ZNF679: variants seen among roughly 807,000 people sequenced by gnomAD.
ZNF679 encodes zinc finger protein 679, also known as hypothetical protein MGC42415.
ZNF679 carries 10 observed loss-of-function variants against 13.4 expected under a neutral mutation model. The observed-to-expected ratio is 0.75, with a 90% CI of 0.46 to 1.27. The LOEUF is 1.27. ZNF679 is among the 50% of genes most tolerant of loss of function. The pLI, the probability that ZNF679 is intolerant of heterozygous loss-of-function variation, is 0.00. For missense variants in ZNF679, 525 were observed against 477.8 expected (o/e 1.10, Z -0.92); for synonymous variants, 179 against 162.5 (o/e 1.10, Z -0.77).
At chr7:64,259,030 G>C (rs1444289703) in intron 2 of ZNF679, among the ~76,000 whole-genome samples, 1 of 152,006 alleles carries the variant, frequency 6.6e-6, no homozygotes, top group Admixed American at 6.6e-5. Context: ...TCCTGCCTCA[G>C]CCTCTCTAGT....
At chr7:64,254,885 A>G (rs111397628) in intron 2 of ZNF679, among the ~76,000 whole-genome samples, 23 of 151,544 alleles carry the variant, frequency 1.5e-4, no homozygotes, top group African/African-American at 5.6e-4. Context: ...CTGTAATCCC[A>G]GCTACTCAGG....
rs565570942 is a variant in ZNF679 at position 64,247,090 on chromosome 7, A to G, written c.-90-1938A>G. Among the ~76,000 whole-genome samples, 51 of 152,326 alleles carry G rather than the reference A, an allele frequency of 3.3e-4. 3 individuals are homozygous for G. In the South Asian group the frequency reaches 0.011, roughly 32 times the overall value. ...TGGCACTGGTGGGAATGTCTTTCGC[A>G]TGCTAATGCATTATAATTAGCGTGT... is the stretch of plus-strand genomic sequence containing the variant. On this transcript the variant is annotated intron_variant, in intron 1 of 4. Coordinates refer to ENST00000421025, the MANE Select transcript of ZNF679 (RefSeq NM_153363.3).
At chr7:64,241,825 C>T (rs1787802643) in intron 1 of ZNF679, among the ~76,000 whole-genome samples, 1 of 152,202 alleles carries the variant, frequency 6.6e-6, no homozygotes, top group Non-Finnish European at 1.5e-5. Context: ...AAATTTTGTG[C>T]ATGGCCCAGG....
chr7:64,236,461 A>G (rs1426549325), intron 1 of ZNF679, among the ~76,000 whole-genome samples: 8 of 151,840 alleles, frequency 5.3e-5, no homozygotes, highest in African/African-American at 1.9e-4. Context: ...GGGAAAAAAA[A>G]AAGGGCAGAA....
rs953124390 is a variant in ZNF679, at chr7:64,260,933, A to G, written c.262+4A>G. ...GAGATGGTAACCAAACACCCAGGTA[A>G]GTGAGAGTGGATGAAGCGGATGACA... On this transcript the variant is annotated splice_donor_region_variant and intron_variant, in intron 4 of 4. Coordinates refer to ENST00000421025, the MANE Select transcript of ZNF679 (RefSeq NM_153363.3). 2 of 1,608,588 alleles carry G rather than the reference A, an allele frequency of 1.2e-6. No homozygotes were observed. The highest frequency in any genetic ancestry group is 3.4e-5 in the Admixed American group (2 of 58,886).
Position 64,260,290 on chromosome 7 carries a change from C to T in ZNF679, c.109C>T (p.Gln37Ter), listed in dbSNP as rs1562847260. 6.2e-7 allele frequency: 1 copy of T among 1,613,064 alleles called. No homozygotes were observed. The highest frequency in any genetic ancestry group is 8.5e-7 in the Non-Finnish European group (1 of 1,179,636). ...LEEWQCLDHAQQNLYRDVMLE... is the reference protein window; with the variant it reads ...LEEWQCLDHA ...GGAGTGGCAATGCCTGGATCACGCT[C>T]AGCAGAATTTATATAGAGATGTGAT... is the stretch of plus-strand genomic sequence containing the variant. Residue 37 changes from glutamine (Q) to a stop codon, truncating the protein, a stop_gained, in exon 3 of 5, where the codon CAG becomes TAG. Coordinates refer to ENST00000421025, the MANE Select transcript of ZNF679 (RefSeq NM_153363.3). LOFTEE classifies it high-confidence loss of function.
In ZNF679 at chr7:64,260,344, C is replaced by G; in HGVS notation, c.163C>G (p.Leu55Val). Residue 55 changes from leucine (L) to valine (V), a missense_variant, in exon 3 of 5, where the codon CTG (leucine) becomes GTG (valine). Physicochemically the swap from Leu to Val is conservative, Grantham distance 32 (BLOSUM62 1). Coordinates refer to ENST00000421025, the MANE Select transcript of ZNF679 (RefSeq NM_153363.3). ...MLENYRNLVSLGIAVSKPDLI... is the reference protein window; with the variant it reads ...MLENYRNLVSVGIAVSKPDLI... ...AGAGAACTACAGAAACCTGGTCTCCCTGGGTGAGGATAACTTCAATACACA... is the reference window on the plus strand; with the variant it reads ...AGAGAACTACAGAAACCTGGTCTCCGTGGGTGAGGATAACTTCAATACACA... 1 of 1,604,710 alleles carries G rather than the reference C, an allele frequency of 6.2e-7. No homozygotes were observed. Among genetic ancestry groups the G allele is most frequent in the Non-Finnish European group, 8.5e-7 (1 of 1,177,744 alleles).
At chr7:64,244,869 A>C (rs1042529932) in intron 1 of ZNF679, among the ~76,000 whole-genome samples, 1 of 152,230 alleles carries the variant, frequency 6.6e-6, no homozygotes, top group African/African-American at 2.4e-5. Context: ...ACTTTTATGG[A>C]TAACTATAAC....
At chr7:64,237,071 G>A (rs980511703) in intron 1 of ZNF679, among the ~76,000 whole-genome samples, 1 of 152,054 alleles carries the variant, frequency 6.6e-6, no homozygotes, top group Non-Finnish European at 1.5e-5. Context: ...ACTGGTTAGG[G>A]CTACAGAGAC....
chr7:64,258,406 C>G (rs1263608304), intron 2 of ZNF679, among the ~76,000 whole-genome samples: 1 of 151,940 alleles, frequency 6.6e-6, no homozygotes, highest in Non-Finnish European at 1.5e-5. Context: ...TGTCTCAGAT[C>G]AAGAGTAGTG....
intron 1 of ZNF679, among the ~76,000 whole-genome samples, chr7:64,238,713 T>C (rs1270510676): frequency 6.6e-6 from 1 of 152,206 alleles, no homozygotes; most frequent in Non-Finnish European, 1.5e-5. Flanking sequence ...AATGAAGTTA[T>C]TTCATACCTA....
At chr7:64,258,629 A>AGGT (rs1384252096) in intron 2 of ZNF679, among the ~76,000 whole-genome samples, 2 of 147,486 alleles carry the variant, frequency 1.4e-5, no homozygotes, top group Non-Finnish European at 3.0e-5. Context: ...TGAACCTAGG[A>AGGT]GGTGGAGGTT....
intron 1 of ZNF679, among the ~76,000 whole-genome samples, chr7:64,242,477 G>A (rs1383236817): frequency 6.6e-6 from 1 of 151,992 alleles, no homozygotes; most frequent in Non-Finnish European, 1.5e-5. Context: ...CAATCTTTAG[G>A]TCCAGGTAAG....
In ZNF679 at chr7:64,243,376, C is replaced by T. The variant is rs375540942; in HGVS notation, c.-90-5652C>T. ...TCAATATTTTTACTATAGGTAGGGT[C>T]CTGACAATAAAATTCACATCTGGGT... On this transcript the variant is annotated intron_variant, in intron 1 of 4. Coordinates refer to ENST00000421025, the MANE Select transcript of ZNF679 (RefSeq NM_153363.3). Among the ~76,000 whole-genome samples, 100 of 152,212 alleles carry T rather than the reference C, an allele frequency of 6.6e-4. No individual in the cohort carries two copies. The South Asian group carries it at 0.02, about 30-fold the overall frequency.
intron 1 of ZNF679, among the ~76,000 whole-genome samples, chr7:64,233,252 A>T (rs4718041): frequency 8.7e-6 from 1 of 115,126 alleles, no homozygotes; most frequent in Non-Finnish European, 1.9e-5. Flanking sequence ...AAACAAATAA[A>T]CAAAAAAAAA....
At chr7:64,262,751 C>T (rs1442068446) in intron 4 of ZNF679, among the ~76,000 whole-genome samples, 1 of 151,952 alleles carries the variant, frequency 6.6e-6, no homozygotes, top group Non-Finnish European at 1.5e-5. Flanking sequence ...AAGTATATTG[C>T]CTCTGTTTTT....
chr7:64,260,292 G>C lies in ZNF679; in HGVS notation c.111G>C (p.Gln37His). The C allele has an allele frequency of 6.2e-7, 1 of 1,613,084 alleles. No individual in the cohort carries two copies. Among genetic ancestry groups the C allele is most frequent in the Non-Finnish European group, 8.5e-7 (1 of 1,179,610 alleles). Reference sequence around the variant, plus strand: ...AGTGGCAATGCCTGGATCACGCTCAGCAGAATTTATATAGAGATGTGATGT... The same window carrying C: ...AGTGGCAATGCCTGGATCACGCTCACCAGAATTTATATAGAGATGTGATGT... The part of the protein sequence containing the change: ...LEEWQCLDHA[Q>H]QNLYRDVMLE... Residue 37 changes from glutamine (Q) to histidine (H), a missense_variant, in exon 3 of 5, where the codon CAG becomes CAC. By Grantham distance (24) the Gln-to-His change is conservative. Transcript: ENST00000421025.
chr7:64,236,888 GAAAAAAAGAAAAAGAAAA>G (rs1562840082), intron 1 of ZNF679, among the ~76,000 whole-genome samples: 1 of 130,366 alleles, frequency 7.7e-6, no homozygotes, highest in Non-Finnish European at 1.6e-5. Flanking sequence ...GAGAAAGAAA[GAAAAAAAGAAAAAGAAAA>G]AAAGAAAGAA....
At chr7:64,236,977 A>AAAGAAAGAAAG (rs1562840387) in intron 1 of ZNF679, among the ~76,000 whole-genome samples, 9 of 22,592 alleles carry the variant, frequency 4.0e-4, no homozygotes, top group African/African-American at 7.0e-4. Context: ...AAGAAAGAAA[A>AAAGAAAGAAAG]AGAAAGAAAG....
Sources: allele counts gnomAD v4.1 joint callset (sites outside exome capture counted in the v4.1 genomes callset), GRCh38; gene constraint gnomAD v4.1.1; transcripts MANE v1.5; gene names NCBI Gene and HGNC (gene_info 2026-07-23, HGNC 2026-07-21).